AKT3: variants seen among roughly 807,000 people sequenced by gnomAD.
AKT3 encodes the protein AKT serine/threonine kinase 3.
Under a neutral mutation model 65.3 loss-of-function variants are expected in AKT3, and 15 were observed. The ratio of observed to expected loss-of-function variants is 0.23; its 90% CI spans 0.15 to 0.35. The LOEUF is 0.35. Among genes scored for constraint, AKT3 ranks in the 10% least tolerant of loss-of-function variants. The pLI is 1.00. For synonymous variants in AKT3, 206 were observed against 183.8 expected, an observed-to-expected ratio of 1.12 and a Z score of -0.98; for missense variants, 243 against 576.5, an observed-to-expected ratio of 0.42 and a Z score of 5.92.
intron 11 of AKT3, chr1:243,547,113 C>T (rs987389515): frequency 2.0e-5 from 3 of 152,072 alleles, no homozygotes; most frequent in African/African-American, 7.2e-5. Context: ...AGTGCAGCCC[C>T]AACTCATAGT....
In AKT3 at chr1:243,541,204, A is replaced by G. The variant is rs566251699; in HGVS notation, c.1251+4306T>C. On this transcript the variant is annotated intron_variant, in intron 12 of 13. Transcript: ENST00000673466. Reference sequence around the variant, plus strand: ...AGTTCTAATGGTGATTTGATTTTCTACTCTACTCACCTCTTTTACATTAAT... The same window carrying G: ...AGTTCTAATGGTGATTTGATTTTCTGCTCTACTCACCTCTTTTACATTAAT... Among the ~76,000 whole-genome samples the G allele has an allele frequency of 1.8e-4, 28 of 151,936 alleles. No homozygotes were observed. In the South Asian group the frequency reaches 5.4e-3, roughly 29 times the overall value.
At chr1:243,795,483 T>TC (rs1436806715) in intron 2 of AKT3, among the ~76,000 whole-genome samples, 1 of 136,670 alleles carries the variant, frequency 7.3e-6, no homozygotes, top group Non-Finnish European at 1.6e-5. Flanking sequence ...TTGGTTTTTT[T>TC]TTTTTTGAGA....
At chr1:243,682,586 T>C (rs1441635162) in intron 3 of AKT3, among the ~76,000 whole-genome samples, 1 of 152,200 alleles carries the variant, frequency 6.6e-6, no homozygotes, top group Non-Finnish European at 1.5e-5. Flanking sequence ...TAGGGCATTC[T>C]GCTAAGTATT....
chr1:243,754,930 T>C (rs565148914), intron 2 of AKT3, among the ~76,000 whole-genome samples: 47 of 152,332 alleles, frequency 3.1e-4, no homozygotes, highest in African/African-American at 8.9e-4. Context: ...GGTTCAAAAA[T>C]GCTGAAGTGA....
intron 5 of AKT3, among the ~76,000 whole-genome samples, chr1:243,638,476 A>G (rs567702918): frequency 9.5e-4 from 145 of 152,214 alleles, no homozygotes; most frequent in African/African-American, 3.4e-3. Flanking sequence ...GCTCTGCTCT[A>G]TCAACATTCT....
chr1:243,602,523 G>A (rs773477053), intron 8 of AKT3, among the ~76,000 whole-genome samples: 2 of 152,058 alleles, frequency 1.3e-5, no homozygotes, highest in Non-Finnish European at 2.9e-5. Context: ...TCACACCTCC[G>A]TAAATTAGTA....
intron 2 of AKT3, among the ~76,000 whole-genome samples, chr1:243,833,952 A>G (rs964989762): frequency 6.6e-6 from 1 of 151,414 alleles, no homozygotes; most frequent in Non-Finnish European, 1.5e-5. Flanking sequence ...AACTGTATAT[A>G]GGATTCTAAT....
At chr1:243,572,873 G>A (rs2148506730) in intron 9 of AKT3, 53 bp downstream of exon 9, 1 of 1,503,888 alleles carries the variant, frequency 6.6e-7, no homozygotes, top group Non-Finnish European at 9.0e-7. Context: ...CTTTATGTTT[G>A]TCCCTATAGT....
chr1:243,653,589 T>C (rs576955676), intron 4 of AKT3, among the ~76,000 whole-genome samples: 3 of 152,228 alleles, frequency 2.0e-5, no homozygotes, highest in Non-Finnish European at 4.4e-5. Flanking sequence ...CTTTTGAGTG[T>C]AGTGTTCTAT....
intron 13 of AKT3, among the ~76,000 whole-genome samples, chr1:243,508,422 C>T (rs568553043): frequency 8.5e-5 from 13 of 152,282 alleles, no homozygotes; most frequent in Middle Eastern, 3.4e-3. Flanking sequence ...GCAGATGCGT[C>T]GATGCTAGTC....
intron 7 of AKT3, 30 bp downstream of exon 7, chr1:243,615,066 G>A (rs776797276): frequency 3.9e-5 from 55 of 1,424,944 alleles, no homozygotes; most frequent in South Asian, 7.4e-5. Flanking sequence ...CAAATGTTAC[G>A]ATTATAACAT....
intron 4 of AKT3, among the ~76,000 whole-genome samples, chr1:243,650,666 C>T (rs1358033886): frequency 3.3e-5 from 5 of 152,086 alleles, no homozygotes; most frequent in Non-Finnish European, 2.9e-5. Context: ...ATAGGGGATC[C>T]TTTCCCCATT....
At chr1:243,821,201 G>C (rs1693833809) in intron 2 of AKT3, among the ~76,000 whole-genome samples, 2 of 151,966 alleles carry the variant, frequency 1.3e-5, no homozygotes, top group South Asian at 4.2e-4. Context: ...GCTTAGTTTG[G>C]AAAAATAAAA....
chr1:243,595,332 T>A (rs189058298), intron 8 of AKT3, among the ~76,000 whole-genome samples: 2 of 152,294 alleles, frequency 1.3e-5, no homozygotes, highest in East Asian at 3.9e-4. Context: ...ATGAAACTTG[T>A]AGGACTGGAA....
downstream of AKT3, among the ~76,000 whole-genome samples, chr1:243,499,116 C>G (rs1045135912): frequency 1.3e-5 from 2 of 152,184 alleles, no homozygotes; most frequent in African/African-American, 4.8e-5. Context: ...GAACAGTATT[C>G]AATACTTTCT....
intron 10 of AKT3, among the ~76,000 whole-genome samples, chr1:243,556,063 A>C (rs1479847517): frequency 1.3e-5 from 2 of 152,194 alleles, no homozygotes; most frequent in Non-Finnish European, 1.5e-5. Context: ...GTCACATCAA[A>C]TGAAAACTTA....
At chr1:243,805,942 T>C (rs1350766461) in intron 2 of AKT3, among the ~76,000 whole-genome samples, 1 of 152,162 alleles carries the variant, frequency 6.6e-6, no homozygotes, top group African/African-American at 2.4e-5. Context: ...AATAACCATT[T>C]TCCTTCCCAA....
chr1:243,763,183 C>G (rs1255581770), intron 2 of AKT3, among the ~76,000 whole-genome samples: 2 of 152,148 alleles, frequency 1.3e-5, no homozygotes, highest in Non-Finnish European at 2.9e-5. Context: ...AAACAGCCTA[C>G]TCAGTAGAAT....
intron 2 of AKT3, among the ~76,000 whole-genome samples, chr1:243,840,119 C>T (rs1695149982): frequency 6.6e-6 from 1 of 151,952 alleles, no homozygotes; most frequent in African/African-American, 2.4e-5. Flanking sequence ...TGCAGTGAGC[C>T]GAGATCATGC....
Sources: gnomAD v4.1 joint callset for allele counts (sites outside exome capture counted in the v4.1 genomes callset) on GRCh38, gnomAD v4.1.1 for gene constraint, MANE v1.5 for transcripts, NCBI Gene and HGNC (gene_info 2026-07-23, HGNC 2026-07-21) for gene names.